The following JAKMIP2 variants were observed in gnomAD, a reference collection of about 807,000 sequenced individuals.
JAKMIP2 encodes the protein janus kinase and microtubule-interacting protein 2.
JAKMIP2 carries 25 observed loss-of-function variants against 115.0 expected under a neutral mutation model. The ratio of observed to expected loss-of-function variants is 0.22; its 90% CI spans 0.16 to 0.30. The LOEUF is 0.30. Ranked by LOEUF, JAKMIP2 falls within the 10% of genes least tolerant of loss-of-function variation. JAKMIP2 has a pLI of 1.00. For missense variants in JAKMIP2, 642 were observed against 957.6 expected, an observed-to-expected ratio of 0.67 and a Z score of 4.35; for synonymous variants, 334 against 343.6, an observed-to-expected ratio of 0.97 and a Z score of 0.31.
chr5:147,710,215 G>A (rs2126909389), intron 1 of JAKMIP2, among the ~76,000 whole-genome samples: 1 of 152,160 alleles, frequency 6.6e-6, no homozygotes, highest in Non-Finnish European at 1.5e-5. Flanking sequence ...TTACAGGGTG[G>A]ATTTAGTTAT....
At chr5:147,775,278 G>A (rs1755515682) in intron 1 of JAKMIP2, among the ~76,000 whole-genome samples, 2 of 152,170 alleles carry the variant, frequency 1.3e-5, no homozygotes, top group South Asian at 4.1e-4. Flanking sequence ...TTTGGAGTGA[G>A]ATGCATTTCT....
chr5:147,764,156 C>T lies in JAKMIP2; in HGVS notation c.-149+18300G>A, dbSNP rs140596325. ...ATGAGAGAATACACAAAACACCTAG[C>T]ATAGTACATGGCACACAGAATTTGT... On this transcript the variant is annotated intron_variant, in intron 1 of 21. Coordinates refer to ENST00000616793, the MANE Select transcript of JAKMIP2 (RefSeq NM_001270941.2). 7.8e-3 allele frequency among the ~76,000 whole-genome samples: 1,188 copies of T among 152,264 alleles called. 10 individuals carry two copies. Among genetic ancestry groups the T allele is most frequent in the Admixed American group, 0.015 (225 of 15,294 alleles).
intron 1 of JAKMIP2, among the ~76,000 whole-genome samples, chr5:147,687,341 A>T (rs1365128915): frequency 6.6e-6 from 1 of 152,218 alleles, no homozygotes; most frequent in African/African-American, 2.4e-5. Flanking sequence ...AGAGACCAAC[A>T]TGTAAATAAT....
intron 20 of JAKMIP2, among the ~76,000 whole-genome samples, chr5:147,607,965 G>T (rs1320422809): frequency 6.6e-6 from 1 of 152,132 alleles, no homozygotes; most frequent in African/African-American, 2.4e-5. Flanking sequence ...TTGCATAGAG[G>T]TGTTTATAGT....
intron 20 of JAKMIP2, among the ~76,000 whole-genome samples, chr5:147,605,345 G>A (rs549751524): frequency 1.3e-5 from 2 of 151,890 alleles, no homozygotes; most frequent in Admixed American, 1.3e-4. Context: ...CAGTAGCTGG[G>A]ACTACAGGCT....
At chr5:147,671,589 G>C (rs1278925993) in intron 2 of JAKMIP2, 89 bp downstream of exon 2, 7 of 1,166,712 alleles carry the variant, frequency 6.0e-6, no homozygotes, top group Non-Finnish European at 6.7e-6. Context: ...AGTCCACTGG[G>C]GTAGGCCAGC....
At position 147,780,576 on chromosome 5, in the gene JAKMIP2, C is replaced by T. The variant is rs146250616; in HGVS notation, c.-149+1880G>A. 1.5e-4 allele frequency among the ~76,000 whole-genome samples: 23 copies of T among 152,162 alleles called. No individual in the cohort carries two copies. In the South Asian group the frequency reaches 4.6e-3, roughly 30 times the overall value. On this transcript the variant is annotated intron_variant, in intron 1 of 21. Coordinates refer to ENST00000616793, the MANE Select transcript of JAKMIP2 (RefSeq NM_001270941.2). The stretch of plus-strand genomic sequence containing the variant: ...TACAAGCCCAGTACCTCTTTCCTTG[C>T]CCTACTTCATATAGTTGTTAAAATT...
intron 1 of JAKMIP2, among the ~76,000 whole-genome samples, chr5:147,712,821 T>C (rs1023317297): frequency 6.6e-6 from 1 of 152,196 alleles, no homozygotes; most frequent in African/African-American, 2.4e-5. Context: ...GGGCATACAT[T>C]TTACTGCAAA....
At chr5:147,777,437 A>G (rs1185374726) in intron 1 of JAKMIP2, among the ~76,000 whole-genome samples, 1 of 152,230 alleles carries the variant, frequency 6.6e-6, no homozygotes, top group Non-Finnish European at 1.5e-5. Flanking sequence ...CAATGCATAC[A>G]GTATGGTCCA....
At chr5:147,710,822 T>G (rs1752749182) in intron 1 of JAKMIP2, among the ~76,000 whole-genome samples, 1 of 152,200 alleles carries the variant, frequency 6.6e-6, no homozygotes. Context: ...TTAATTACAT[T>G]ATGCAAATGT....
chr5:147,755,777 C>T (rs890055914), intron 1 of JAKMIP2, among the ~76,000 whole-genome samples: 8 of 152,066 alleles, frequency 5.3e-5, no homozygotes, highest in East Asian at 1.9e-4. Context: ...CCTCAGCCAC[C>T]GGCATAGTTG....
intron 5 of JAKMIP2, 63 bp from the exon 6 acceptor site, chr5:147,645,059 AGTG>A (rs781309079): frequency 3.2e-5 from 49 of 1,528,232 alleles, no homozygotes; most frequent in Non-Finnish European, 4.4e-5. Flanking sequence ...AGGGGAGTAA[AGTG>A]GTGGGAGTGA....
At chr5:147,676,727 A>G (rs544518090) in intron 1 of JAKMIP2, among the ~76,000 whole-genome samples, 1 of 152,230 alleles carries the variant, frequency 6.6e-6, no homozygotes, top group Non-Finnish European at 1.5e-5. Context: ...AAGATATTAG[A>G]GAAGTTAGAG....
chr5:147,702,835 C>T (rs908463276), intron 1 of JAKMIP2, among the ~76,000 whole-genome samples: 10 of 152,040 alleles, frequency 6.6e-5, no homozygotes, highest in African/African-American at 2.4e-4. Flanking sequence ...ATCTTTCCTG[C>T]TTATGTCAAT....
intron 1 of JAKMIP2, among the ~76,000 whole-genome samples, chr5:147,693,355 C>T (rs911295815): frequency 6.6e-6 from 1 of 152,180 alleles, no homozygotes; most frequent in Non-Finnish European, 1.5e-5. Context: ...GTAATAAGCA[C>T]ATTGTAAACC....
chr5:147,661,053 G>T lies in JAKMIP2; in HGVS notation c.522C>A (p.Ile174=), dbSNP rs149958309. Residue 174 remains isoleucine, a synonymous_variant, in exon 3 of 22, where the codon ATC becomes ATA. Transcript: ENST00000616793. The stretch of plus-strand genomic sequence containing the variant: ...CCCCAGCCTTGATTTTATCTGCTTG[G>T]ATCATATTGCTCAGAGCCTCGTCCA... The part of the protein sequence containing the change: ...KQVDEALSNM[I]QADKIKAGDL... 9 of 1,613,798 alleles carry T rather than the reference G, an allele frequency of 5.6e-6. No homozygotes were observed. In the African/African-American group the frequency reaches 1.2e-4, roughly 22 times the overall value.
chr5:147,738,752 C>T (rs4705044), intron 1 of JAKMIP2, among the ~76,000 whole-genome samples: 68,458 of 151,800 alleles, frequency 0.45, 16,386 homozygotes, highest in African/African-American at 0.61. Flanking sequence ...TTGGCCCATC[C>T]ATCTACTAAG....
intron 1 of JAKMIP2, among the ~76,000 whole-genome samples, chr5:147,679,007 G>A (rs1038861785): frequency 8.6e-5 from 13 of 151,108 alleles, no homozygotes; most frequent in African/African-American, 2.9e-4. Context: ...TTAGTATGGA[G>A]TCTCCCTCTG....
At chr5:147,684,732 A>T (rs1317775165) in intron 1 of JAKMIP2, among the ~76,000 whole-genome samples, 1 of 152,184 alleles carries the variant, frequency 6.6e-6, no homozygotes, top group Non-Finnish European at 1.5e-5. Flanking sequence ...TTTTTAAGAG[A>T]AGAGGCACGC....
Sources: allele counts gnomAD v4.1 joint callset (sites outside exome capture counted in the v4.1 genomes callset), GRCh38; gene constraint gnomAD v4.1.1; transcripts MANE v1.5; gene names NCBI Gene and HGNC (gene_info 2026-07-23, HGNC 2026-07-21).